BICD1: variants seen among roughly 807,000 people sequenced by gnomAD.
BICD1 encodes BICD cargo adaptor 1, also known as protein bicaudal D homolog 1.
In BICD1, 35 loss-of-function variants were observed where a neutral mutation model predicts 92.5. The observed-to-expected ratio is 0.38, with a 90% confidence interval of 0.29 to 0.50. The LOEUF is 0.50. Among genes scored for constraint, BICD1 ranks in the 20% least tolerant of loss-of-function variants. BICD1 has a pLI of 0.93. For missense variants in BICD1, 950 were observed against 1,189.8 expected, an observed-to-expected ratio of 0.80 and a Z score of 2.97; for synonymous variants, 429 against 465.1, an observed-to-expected ratio of 0.92 and a Z score of 1.00.
chr12:32,181,844 A>G (rs777863857), intron 1 of BICD1, among the ~76,000 whole-genome samples: 1 of 152,036 alleles, frequency 6.6e-6, no homozygotes, highest in Non-Finnish European at 1.5e-5. Context: ...TGTGTACCTC[A>G]TCAATTCAGC....
chr12:32,335,922 G>A (rs1938101452), intron 6 of BICD1, among the ~76,000 whole-genome samples: 2 of 151,952 alleles, frequency 1.3e-5, no homozygotes, highest in African/African-American at 4.8e-5. Context: ...ATGCAAACTT[G>A]GTGCAAAATT....
intron 1 of BICD1, among the ~76,000 whole-genome samples, chr12:32,122,659 C>T (rs566423500): frequency 6.6e-6 from 1 of 152,136 alleles, no homozygotes; most frequent in African/African-American, 2.4e-5. Flanking sequence ...TGTTGAAGTG[C>T]TTGAGACAAT....
Position 32,271,447 on chromosome 12 carries a change from T to C in BICD1, c.427-22547T>C, listed in dbSNP as rs1165932017. ...GACCTTAATTACTGACCTTTTGTTATAGATTAACTTCCTTCCTATTTTATT... is the reference window on the plus strand; with the variant it reads ...GACCTTAATTACTGACCTTTTGTTACAGATTAACTTCCTTCCTATTTTATT... On this transcript the variant is annotated intron_variant, in intron 2 of 9. Coordinates refer to ENST00000652176, the MANE Select transcript of BICD1 (RefSeq NM_001714.4). Among the ~76,000 whole-genome samples the C allele has an allele frequency of 7.9e-5, 12 of 152,214 alleles. No individual in the cohort carries two copies. The South Asian group carries it at 1.0e-3, about 13-fold the overall frequency.
intron 1 of BICD1, among the ~76,000 whole-genome samples, chr12:32,202,303 C>G (rs888685250): frequency 6.6e-6 from 1 of 152,126 alleles, no homozygotes; most frequent in Non-Finnish European, 1.5e-5. Context: ...TCAAGGGGCC[C>G]AGTAGGCAAT....
chr12:32,261,867 G>A (rs1946867543), intron 2 of BICD1, among the ~76,000 whole-genome samples: 1 of 152,332 alleles, frequency 6.6e-6, no homozygotes, highest in Middle Eastern at 3.4e-3. Flanking sequence ...GTTGAAGCAG[G>A]AGAGGAAGGA....
chr12:32,232,722 G>A (rs1301141458), intron 2 of BICD1, among the ~76,000 whole-genome samples: 1 of 152,124 alleles, frequency 6.6e-6, no homozygotes, highest in Non-Finnish European at 1.5e-5. Context: ...ATGGTTTTAG[G>A]TCAAACGTTT....
intron 4 of BICD1, among the ~76,000 whole-genome samples, chr12:32,318,878 A>G (rs1948577050): frequency 6.6e-6 from 1 of 152,146 alleles, no homozygotes. Context: ...ATTCTGAAGT[A>G]TATTATTTTT....
intron 1 of BICD1, 121 bp from the exon 2 acceptor site, chr12:32,216,125 CG>C (rs1427816246): frequency 1.2e-6 from 1 of 815,402 alleles, no homozygotes; most frequent in Non-Finnish European, 1.9e-6. Context: ...TGTTATATTT[CG>C]GGGGTCTTGC....
chr12:32,251,742 C>A (rs1946526504), intron 2 of BICD1, among the ~76,000 whole-genome samples: 1 of 150,926 alleles, frequency 6.6e-6, no homozygotes, highest in Non-Finnish European at 1.5e-5. Context: ...TAAATAATAT[C>A]TTTATACTTT....
At chr12:32,244,955 T>C (rs1946335617) in intron 2 of BICD1, among the ~76,000 whole-genome samples, 1 of 152,080 alleles carries the variant, frequency 6.6e-6, no homozygotes, top group South Asian at 2.1e-4. Context: ...AAATGCAAGC[T>C]CTTCTGAACC....
chr12:32,309,724 C>T (rs1260005291), intron 4 of BICD1, among the ~76,000 whole-genome samples: 1 of 152,124 alleles, frequency 6.6e-6, no homozygotes, highest in Non-Finnish European at 1.5e-5. Flanking sequence ...GTCAGTTTTG[C>T]GCACCTCAGC....
intron 1 of BICD1, among the ~76,000 whole-genome samples, chr12:32,212,613 G>A (rs996057783): frequency 3.9e-5 from 6 of 152,226 alleles, no homozygotes; most frequent in Admixed American, 3.3e-4. Flanking sequence ...TAACAGAGAC[G>A]GGGTTTTGCC....
intron 8 of BICD1, among the ~76,000 whole-genome samples, chr12:32,351,977 C>T (rs1177978629): frequency 8.6e-5 from 13 of 151,096 alleles, no homozygotes; most frequent in Admixed American, 4.6e-4. Flanking sequence ...GAGGCCAAGG[C>T]GGGTGGATCA....
intron 3 of BICD1, among the ~76,000 whole-genome samples, chr12:32,301,566 G>C (rs1005706331): frequency 2.0e-5 from 3 of 152,038 alleles, no homozygotes; most frequent in African/African-American, 7.2e-5. Context: ...CTTCGGTCCA[G>C]GAGTTTGAGA....
At chr12:32,324,200 C>G (rs1042559647) in intron 4 of BICD1, among the ~76,000 whole-genome samples, 1 of 151,904 alleles carries the variant, frequency 6.6e-6, no homozygotes, top group South Asian at 2.1e-4. Flanking sequence ...ACTAAAAATA[C>G]AAAAATTAGC....
At chr12:32,291,832 T>C (rs1947733894) in intron 2 of BICD1, among the ~76,000 whole-genome samples, 2 of 151,786 alleles carry the variant, frequency 1.3e-5, no homozygotes, top group African/African-American at 2.4e-5. Context: ...AGTGAGAACA[T>C]GTCTTTAAAA....
chr12:32,230,036 TG>T (rs59035962), intron 2 of BICD1, among the ~76,000 whole-genome samples: 10,604 of 152,014 alleles, frequency 0.07, 815 homozygotes, highest in East Asian at 0.37. Flanking sequence ...TGCCAGCATA[TG>T]GGTAGATAGA....
chr12:32,355,866 G>A (rs1313372598), intron 8 of BICD1, among the ~76,000 whole-genome samples: 1 of 151,932 alleles, frequency 6.6e-6, no homozygotes, highest in African/African-American at 2.4e-5. Flanking sequence ...TTTGCAGGAA[G>A]CAGACACCTC....
intron 1 of BICD1, among the ~76,000 whole-genome samples, chr12:32,114,845 G>A (rs764270228): frequency 3.9e-5 from 6 of 152,210 alleles, no homozygotes; most frequent in African/African-American, 1.2e-4. Flanking sequence ...ACTGGGGACA[G>A]TAAGGTCTAA....
Sources: gnomAD v4.1 joint callset for allele counts (sites outside exome capture counted in the v4.1 genomes callset) on GRCh38, gnomAD v4.1.1 for gene constraint, MANE v1.5 for transcripts, NCBI Gene and HGNC (gene_info 2026-07-23, HGNC 2026-07-21) for gene names.